Variants in GNPTAB observed in about 807,000 individuals in gnomAD.
GNPTAB encodes N-acetylglucosamine-1-phosphotransferase subunits alpha/beta.
GNPTAB carries 92 observed loss-of-function variants against 136.6 expected under a neutral mutation model. The ratio of observed to expected loss-of-function variants is 0.67; its 90% confidence interval spans 0.57 to 0.80. The LOEUF is 0.80. Ranked by LOEUF, GNPTAB falls within the 30% of genes least tolerant of loss-of-function variation. GNPTAB has a pLI of 0.00. For synonymous variants in GNPTAB, 512 were observed against 535.1 expected (o/e 0.96, Z 0.60); for missense variants, 1,343 against 1,501.8 (o/e 0.89, Z 1.75).
At position 101,819,828 on chromosome 12, in the gene GNPTAB, C is replaced by T. The variant is rs535852720; in HGVS notation, c.117+10731G>A. 6.6e-5 allele frequency among the ~76,000 whole-genome samples: 10 copies of T among 152,140 alleles called. No individual in the cohort carries two copies. The East Asian group carries it at 1.2e-3, about 18-fold the overall frequency. ...ATATATATAATCTATTATAGTTACACCTGTTATATTTTAGAAGGAACTATA... is the reference window on the plus strand; with the variant it reads ...ATATATATAATCTATTATAGTTACATCTGTTATATTTTAGAAGGAACTATA... On this transcript the variant is annotated intron_variant, in intron 1 of 20. Transcript: ENST00000299314.
chr12:101,818,735 C>T lies in GNPTAB; in HGVS notation c.117+11824G>A, dbSNP rs1870644187. Among the ~76,000 whole-genome samples the T allele has an allele frequency of 1.3e-5, 2 of 152,118 alleles. 1 individual carries two copies. Among genetic ancestry groups the T allele is most frequent in the South Asian group, 4.1e-4 (2 of 4,822 alleles). On this transcript the variant is annotated intron_variant, in intron 1 of 20. Coordinates refer to ENST00000299314, the MANE Select transcript of GNPTAB (RefSeq NM_024312.5). The stretch of plus-strand genomic sequence containing the variant: ...CTAATATAGTTTGCCTGTGTCCCCA[C>T]CCAAATCTCATTTTGAATTGTAGCT...
intron 16 of GNPTAB, among the ~76,000 whole-genome samples, chr12:101,758,061 C>T (rs1332460612): frequency 5.7e-5 from 8 of 139,486 alleles, no homozygotes; most frequent in East Asian, 2.1e-4. Context: ...TTTTTTGAGA[C>T]GGAGTCTCAC....
At chr12:101,770,625 C>T (rs1286048105) in intron 8 of GNPTAB, 40 bp from the exon 9 acceptor site, 3 of 1,397,568 alleles carry the variant, frequency 2.1e-6, no homozygotes, top group Admixed American at 1.7e-5. Context: ...TGAAATACCC[C>T]TTAAGTCATA....
Position 101,796,752 on chromosome 12 carries a change from T to C in GNPTAB, c.128A>G (p.Glu43Gly). The part of the protein sequence containing the change: ...SAFQFGEVVL[E>G]WSRDQYHVLF... ...AACATGGTATTGATCTCGGCTCCAT[T>C]CCAGAACCACCTAGAACAAAGAAAA... Residue 43 changes from glutamate to glycine, a missense_variant, in exon 2 of 21, where the codon GAA becomes GGA. Transcript: ENST00000299314. The C allele has an allele frequency of 6.2e-7, 1 of 1,610,646 alleles. No homozygotes were observed. The highest frequency in any genetic ancestry group is 8.5e-7 in the Non-Finnish European group (1 of 1,177,280).
rs778248980 is a variant in GNPTAB, at chr12:101,760,162, A to AT, written c.3136-20dup. 1 of 1,425,356 alleles carries AT rather than the reference A, an allele frequency of 7.0e-7. No homozygotes were observed. The highest frequency in any genetic ancestry group is 2.3e-5 in the East Asian group (1 of 44,022). 88.3% of individuals were successfully genotyped at this position (1,425,356 alleles called of 1,614,324 possible). On this transcript the variant is annotated intron_variant, in intron 15 of 20. Coordinates refer to ENST00000299314, the MANE Select transcript of GNPTAB (RefSeq NM_024312.5). ...TCAAATCCTAACAAAGAAAAAGATG[A>AT]TAAATCTGTTATGCGCATTGTAAGT...
chr12:101,768,293 C>T (rs1594217395), intron 10 of GNPTAB, 133 bp from the exon 11 acceptor site: 2 of 945,540 alleles, frequency 2.1e-6, no homozygotes, highest in African/African-American at 1.6e-5. Context: ...TCAGCGTTCA[C>T]ACTCACAAGT....
intron 6 of GNPTAB, 26 bp downstream of exon 6, chr12:101,780,531 A>T (rs772693431): frequency 6.7e-7 from 1 of 1,499,734 alleles, no homozygotes; most frequent in Non-Finnish European, 9.3e-7. Flanking sequence ...TATTGTAAAA[A>T]TGCAATTAAA....
intron 14 of GNPTAB, 106 bp downstream of exon 14, chr12:101,761,458 T>C (rs918143192): frequency 5.0e-6 from 7 of 1,406,638 alleles, no homozygotes; most frequent in East Asian, 2.3e-5. Flanking sequence ...TTTAACATAT[T>C]AGTCATCAAA....
Position 101,753,530 on chromosome 12 carries a change from A to G in GNPTAB, c.3444T>C (p.Val1148=), listed in dbSNP as rs1005622047. 2 of 1,613,574 alleles carry G rather than the reference A, an allele frequency of 1.2e-6. No homozygotes were observed. The highest frequency in any genetic ancestry group is 1.7e-6 in the Non-Finnish European group (2 of 1,179,532). ...TGTGGTCAATGTTGTCATTCAGGCA[A>G]ACAAACTTCCTGAAATAACAGAGAG... ...DDIRKNPRKF[V]CLNDNIDHNH... Residue 1148 remains valine, a synonymous_variant, in exon 19 of 21, where the codon GTT becomes GTC. Transcript: ENST00000299314.
chr12:101,789,832 T>C, intron 3 of GNPTAB, 106 bp downstream of exon 3: 1 of 1,119,870 alleles, frequency 8.9e-7, no homozygotes, highest in South Asian at 1.2e-5. Flanking sequence ...TGTAGTTCAT[T>C]AGCATGATGA....
At position 101,749,104 on chromosome 12, in the gene GNPTAB, C is replaced by T. The variant is rs1239919887; in HGVS notation, c.3690G>A (p.Glu1230=). The change falls in exon 20 of 21, where the codon GAG becomes GAA. Residue 1230 remains glutamate, a synonymous_variant. Transcript: ENST00000299314. The part of the protein sequence containing the change: ...IMFTIFSFFA[E]QLIALKRKIF... ...ACATAAAATATATAAAACTTACCTG[C>T]TCAGCAAAAAATGAGAATATAGTAA... The T allele has an allele frequency of 6.3e-7, 1 of 1,583,802 alleles. No individual in the cohort carries two copies. The highest frequency in any genetic ancestry group is 8.7e-7 in the Non-Finnish European group (1 of 1,152,814).
chr12:101,828,622 A>G (rs1871224148), intron 1 of GNPTAB, among the ~76,000 whole-genome samples: 1 of 152,034 alleles, frequency 6.6e-6, no homozygotes, highest in Non-Finnish European at 1.5e-5. Context: ...CCCAGGAGGC[A>G]GAGGTTGCAG....
chr12:101,802,297 C>G (rs868003536), intron 1 of GNPTAB, among the ~76,000 whole-genome samples: 5 of 151,806 alleles, frequency 3.3e-5, no homozygotes, highest in Admixed American at 6.6e-5. Flanking sequence ...CTCTAGACCC[C>G]AAATTTCTTT....
chr12:101,822,370 C>G (rs1251918109), intron 1 of GNPTAB, among the ~76,000 whole-genome samples: 2 of 152,094 alleles, frequency 1.3e-5, no homozygotes, highest in Non-Finnish European at 2.9e-5. Context: ...GCCGAGATCG[C>G]GCCACTGCAC....
intron 11 of GNPTAB, among the ~76,000 whole-genome samples, chr12:101,767,172 A>T (rs917018837): frequency 3.9e-5 from 6 of 152,236 alleles, no homozygotes; most frequent in African/African-American, 1.4e-4. Context: ...AATGGGGATG[A>T]TAACATTTGT....
intron 1 of GNPTAB, among the ~76,000 whole-genome samples, chr12:101,828,765 G>A (rs1277047909): frequency 6.6e-6 from 1 of 151,956 alleles, no homozygotes; most frequent in East Asian, 1.9e-4. Context: ...CCACAAATTA[G>A]CTGGATTCTA....
chr12:101,811,383 C>CTT (rs11356611), intron 1 of GNPTAB, among the ~76,000 whole-genome samples: 3 of 142,576 alleles, frequency 2.1e-5, no homozygotes, highest in Non-Finnish European at 4.6e-5. Flanking sequence ...ATAATTTTTT[C>CTT]TTTTTTTTTT....
At chr12:101,768,443 C>T (rs924375898) in intron 10 of GNPTAB, among the ~76,000 whole-genome samples, 1 of 152,170 alleles carries the variant, frequency 6.6e-6, no homozygotes, top group African/African-American at 2.4e-5. Context: ...TCATAACATG[C>T]TTTGATAATC....
Position 101,761,219 on chromosome 12 carries a change from C to T in GNPTAB, c.3043G>A (p.Asp1015Asn), listed in dbSNP as rs985051236. The stretch of plus-strand genomic sequence containing the variant: ...CCAGATTGATCTGTATCAACTTCAT[C>T]AAAGACTTGAGATATATTCAGTGGC... ...VQPLNISQVF[D>N]EVDTDQSGVL... The change falls in exon 15 of 21, where the codon GAT becomes AAT. Residue 1015 changes from aspartate (D) to asparagine (N), a missense_variant. Physicochemically the swap from Asp to Asn is conservative, Grantham distance 23. Transcript: ENST00000299314. 10 of 1,613,904 alleles carry T rather than the reference C, an allele frequency of 6.2e-6. No homozygotes were observed. In the African/African-American group the frequency reaches 6.7e-5, roughly 11 times the overall value.
Sources: gnomAD v4.1 joint callset for allele counts (sites outside exome capture counted in the v4.1 genomes callset) on GRCh38, gnomAD v4.1.1 for gene constraint, MANE v1.5 for transcripts, NCBI Gene and HGNC (gene_info 2026-07-23, HGNC 2026-07-21) for gene names.